The following SOX5 variants were observed in gnomAD, a reference collection of about 807,000 sequenced individuals.
SOX5 encodes the protein transcription factor SOX-5.
SOX5 carries 9 observed loss-of-function variants against 92.0 expected under a neutral mutation model. That is an observed-to-expected ratio of 0.10 (90% CI 0.06 to 0.17). SOX5 has a LOEUF of 0.17. Among genes scored for constraint, SOX5 ranks in the 10% least tolerant of loss-of-function variants. The probability of loss-of-function intolerance (pLI) is 1.00; values close to 1 mark genes in which losing one functional copy is unlikely to be tolerated. For synonymous variants in SOX5, 344 were observed against 336.3 expected, an observed-to-expected ratio of 1.02 and a Z score of -0.25; for missense variants, 642 against 944.5, an observed-to-expected ratio of 0.68 and a Z score of 4.20.
At chr12:23,833,543 A>G (rs140174056) in intron 3 of SOX5, among the ~76,000 whole-genome samples, 1 of 152,132 alleles carries the variant, frequency 6.6e-6, no homozygotes, top group Non-Finnish European at 1.5e-5. Context: ...TAACGTTACC[A>G]TATCTTCTTA....
intron 4 of SOX5, among the ~76,000 whole-genome samples, chr12:24,022,180 G>A (rs1954372537): frequency 6.6e-6 from 1 of 152,140 alleles, no homozygotes; most frequent in African/African-American, 2.4e-5. Flanking sequence ...ATACATGATA[G>A]CATGAGGTTT....
chr12:23,877,610 G>C (rs947506844), intron 2 of SOX5, among the ~76,000 whole-genome samples: 7 of 152,180 alleles, frequency 4.6e-5, no homozygotes, highest in Admixed American at 1.3e-4. Flanking sequence ...ATTAAATGTG[G>C]AAAACATGCA....
chr12:24,398,892 AC>A (rs200838759), intron 1 of SOX5, among the ~76,000 whole-genome samples: 10,532 of 152,246 alleles, frequency 0.069, 527 homozygotes, highest in African/African-American at 0.14. Flanking sequence ...ACTGGGTATT[AC>A]CATGACCTCG....
chr12:24,441,061 C>G (rs909516690), intron 1 of SOX5, among the ~76,000 whole-genome samples: 1 of 152,176 alleles, frequency 6.6e-6, no homozygotes, highest in East Asian at 1.9e-4. Flanking sequence ...CTTTCACATT[C>G]ACTTTTATCC....
intron 1 of SOX5, among the ~76,000 whole-genome samples, chr12:24,556,159 G>C (rs546006101): frequency 6.6e-6 from 1 of 152,068 alleles, no homozygotes. Flanking sequence ...AGGCTCTCCC[G>C]GCCTTGTCCT....
intron 4 of SOX5, among the ~76,000 whole-genome samples, chr12:24,105,430 A>G (rs1017304642): frequency 2.0e-5 from 3 of 152,052 alleles, no homozygotes; most frequent in Non-Finnish European, 2.9e-5. Flanking sequence ...AATCCCAGCT[A>G]CTTGGGAGAC....
chr12:23,780,836 G>T (rs772126935), intron 3 of SOX5, among the ~76,000 whole-genome samples: 5 of 152,046 alleles, frequency 3.3e-5, no homozygotes, highest in Admixed American at 6.5e-5. Flanking sequence ...AAAAATCTGA[G>T]TCTGGCATTA....
chr12:23,810,027 A>G (rs1169472068), intron 3 of SOX5, among the ~76,000 whole-genome samples: 2 of 152,310 alleles, frequency 1.3e-5, no homozygotes, highest in African/African-American at 4.8e-5. Flanking sequence ...AAATGCAACA[A>G]AACATCCTAC....
At chr12:24,342,605 T>C (rs575378846) in intron 2 of SOX5, among the ~76,000 whole-genome samples, 1 of 152,324 alleles carries the variant, frequency 6.6e-6, no homozygotes, top group Non-Finnish European at 1.5e-5. Flanking sequence ...ATCCTTAAGA[T>C]TTCTTACCTA....
intron 1 of SOX5, among the ~76,000 whole-genome samples, chr12:24,437,883 A>C (rs1939748142): frequency 6.6e-6 from 1 of 152,224 alleles, no homozygotes; most frequent in South Asian, 2.1e-4. Flanking sequence ...GTGATTCCTC[A>C]AGGATCTAGA....
chr12:23,687,876 C>T (rs1166215805), intron 6 of SOX5, among the ~76,000 whole-genome samples: 1 of 149,168 alleles, frequency 6.7e-6, no homozygotes, highest in African/African-American at 2.5e-5. Flanking sequence ...TGCCAGTTCA[C>T]TTTTTTTTTT....
chr12:24,354,140 G>A (rs553375883), intron 2 of SOX5, among the ~76,000 whole-genome samples: 1 of 152,314 alleles, frequency 6.6e-6, no homozygotes, highest in East Asian at 1.9e-4. Flanking sequence ...AAAATGCAAG[G>A]TATGAGAGCA....
At chr12:23,756,788 C>T (rs932899211) in intron 3 of SOX5, among the ~76,000 whole-genome samples, 7 of 151,888 alleles carry the variant, frequency 4.6e-5, no homozygotes, top group Non-Finnish European at 1.0e-4. Context: ...CTACTAGGAG[C>T]ATAAAGGGAG....
At chr12:24,148,711 A>G (rs1447265214) in intron 4 of SOX5, among the ~76,000 whole-genome samples, 14,378 of 122,376 alleles carry the variant, frequency 0.12, 1,342 homozygotes, top group African/African-American at 0.25. Flanking sequence ...AAAAAAAAAA[A>G]AAAAAGAAGA....
chr12:24,502,026 A>G (rs1566323321), intron 1 of SOX5, among the ~76,000 whole-genome samples: 2 of 152,214 alleles, frequency 1.3e-5, no homozygotes. Context: ...TCAGCCTGCA[A>G]TGGGATTCTC....
intron 4 of SOX5, among the ~76,000 whole-genome samples, chr12:24,094,366 T>C (rs997509041): frequency 1.3e-5 from 2 of 152,196 alleles, no homozygotes; most frequent in African/African-American, 4.8e-5. Context: ...TGTTTTGCTA[T>C]TATGTTGTCT....
intron 4 of SOX5, among the ~76,000 whole-genome samples, chr12:24,085,947 C>T (rs1327432410): frequency 7.4e-6 from 1 of 136,034 alleles, no homozygotes; most frequent in East Asian, 2.5e-4. Flanking sequence ...CAGACAAGAA[C>T]GGATATGCTA....
intron 4 of SOX5, among the ~76,000 whole-genome samples, chr12:23,962,229 A>T (rs909203068): frequency 6.6e-6 from 1 of 151,924 alleles, no homozygotes; most frequent in African/African-American, 2.4e-5. Context: ...ACAACAAAAA[A>T]GACCTACTTG....
At chr12:23,857,792 GCA>G (rs2136312723) in intron 2 of SOX5, among the ~76,000 whole-genome samples, 1 of 151,546 alleles carries the variant, frequency 6.6e-6, no homozygotes, top group East Asian at 1.9e-4. Context: ...GAGTGCAGTG[GCA>G]CGATCTTGGC....
Sources: allele counts gnomAD v4.1 joint callset (sites outside exome capture counted in the v4.1 genomes callset), GRCh38; gene constraint gnomAD v4.1.1; transcripts MANE v1.5; gene names NCBI Gene and HGNC (gene_info 2026-07-23, HGNC 2026-07-21).